TAS2R1: variants seen among roughly 807,000 people sequenced by gnomAD.
TAS2R1 encodes taste 2 receptor member 1.
For missense variants in TAS2R1, 370 were observed against 353.4 expected (o/e 1.05, Z -0.38); for synonymous variants, 141 against 134.2 (o/e 1.05, Z -0.35).
the TAS2R1 span, among the ~76,000 whole-genome samples, chr5:9,896,081 AC>A: frequency 6.6e-6 from 1 of 152,172 alleles, no homozygotes; most frequent in Non-Finnish European, 1.5e-5. Context: ...TTTTAGAGTT[AC>A]CCCAACCCTT....
the TAS2R1 span, among the ~76,000 whole-genome samples, chr5:9,900,562 A>G: frequency 1.0e-4 from 15 of 149,414 alleles, no homozygotes; most frequent in Non-Finnish European, 1.9e-4. Flanking sequence ...CCAGAGTTAT[A>G]TGTTTCATTA....
chr5:9,886,744 G>A, the TAS2R1 span, among the ~76,000 whole-genome samples: 1 of 152,056 alleles, frequency 6.6e-6, no homozygotes, highest in Non-Finnish European at 1.5e-5. Context: ...TGGGAGGAGA[G>A]TGAGGATCAA....
rs775878247 is a variant in TAS2R1, at chr5:9,629,160, G to A, written c.873C>T (p.Phe291=). The change falls in exon 1 of 1, where the codon TTC becomes TTT. Residue 291 remains phenylalanine, a synonymous_variant. Coordinates refer to ENST00000382492, the MANE Select transcript of TAS2R1 (RefSeq NM_019599.3). ...NPKLKQNAKK[F]LLHSKCCQ ...ACTGACAGCACTTACTGTGGAGGAG[G>A]AACTTTTTTGCATTTTGTTTCAATT... 10 of 1,578,778 alleles carry A rather than the reference G, an allele frequency of 6.3e-6. No homozygotes were observed. In the East Asian group the frequency reaches 1.1e-4, roughly 18 times the overall value.
the TAS2R1 span, among the ~76,000 whole-genome samples, chr5:9,794,807 A>G: frequency 6.6e-6 from 1 of 152,316 alleles, no homozygotes; most frequent in Non-Finnish European, 1.5e-5. Context: ...AATTATCCCA[A>G]TATTGCAGCT....
At chr5:9,740,186 T>G in the TAS2R1 span, among the ~76,000 whole-genome samples, 17 of 152,206 alleles carry the variant, frequency 1.1e-4, 1 homozygote, top group Admixed American at 5.2e-4. Context: ...TAATTGAAAT[T>G]ATGGATTTGT....
At chr5:9,735,413 A>G in the TAS2R1 span, among the ~76,000 whole-genome samples, 1 of 151,614 alleles carries the variant, frequency 6.6e-6, no homozygotes, top group Non-Finnish European at 1.5e-5. Context: ...CTGACAAGAT[A>G]AAATAAGATT....
intron 1 of TAS2R1, among the ~76,000 whole-genome samples, chr5:9,687,611 G>A (rs901903798): frequency 1.3e-5 from 2 of 152,096 alleles, no homozygotes; most frequent in African/African-American, 4.8e-5. Flanking sequence ...AATGTCCTCC[G>A]GTTGGTCCCT....
chr5:9,826,669 G>C, the TAS2R1 span, among the ~76,000 whole-genome samples: 1 of 152,102 alleles, frequency 6.6e-6, no homozygotes, highest in African/African-American at 2.4e-5. Context: ...TAAAAAAAGA[G>C]GTTTGCTTTT....
At chr5:9,694,579 A>G (rs1345527795) in intron 1 of TAS2R1, among the ~76,000 whole-genome samples, 1 of 152,204 alleles carries the variant, frequency 6.6e-6, no homozygotes, top group African/African-American at 2.4e-5. Flanking sequence ...GAAAAATGTC[A>G]AAGGACCATT....
At chr5:9,842,704 C>T in the TAS2R1 span, among the ~76,000 whole-genome samples, 1 of 152,072 alleles carries the variant, frequency 6.6e-6, no homozygotes, top group Non-Finnish European at 1.5e-5. Context: ...AAGTTTCTAT[C>T]TCTGGCTTAT....
chr5:9,873,370 A>G, the TAS2R1 span, among the ~76,000 whole-genome samples: 2 of 150,104 alleles, frequency 1.3e-5, no homozygotes, highest in African/African-American at 4.9e-5. Context: ...GGGGTGCCCC[A>G]TATGAGGAGA....
At chr5:9,723,317 T>C in the TAS2R1 span, among the ~76,000 whole-genome samples, 1 of 152,190 alleles carries the variant, frequency 6.6e-6, no homozygotes, top group Non-Finnish European at 1.5e-5. Context: ...GGGCTTCTAG[T>C]CTTTTCCCGA....
chr5:9,634,877 C>G (rs1448316395), upstream of TAS2R1, among the ~76,000 whole-genome samples: 2 of 152,022 alleles, frequency 1.3e-5, no homozygotes, highest in Admixed American at 6.6e-5. Context: ...GGCATACAAT[C>G]ATATTACTGG....
At chr5:9,830,167 A>T in the TAS2R1 span, among the ~76,000 whole-genome samples, 6 of 144,114 alleles carry the variant, frequency 4.2e-5, no homozygotes, top group Non-Finnish European at 7.5e-5. Context: ...AACAGGAGCA[A>T]GAGAACAGAT....
chr5:9,899,663 G>A, the TAS2R1 span, among the ~76,000 whole-genome samples: 53 of 151,000 alleles, frequency 3.5e-4, no homozygotes, highest in South Asian at 8.4e-4. Context: ...AGCTAAAGGT[G>A]AAAATTTCAA....
At chr5:9,863,107 T>C in the TAS2R1 span, 1 of 152,168 alleles carries the variant, frequency 6.6e-6, no homozygotes, top group Non-Finnish European at 1.5e-5. Flanking sequence ...CAATGAACCA[T>C]TTTCCCTGAA....
chr5:9,843,149 C>G, the TAS2R1 span, among the ~76,000 whole-genome samples: 1 of 152,136 alleles, frequency 6.6e-6, no homozygotes, highest in African/African-American at 2.4e-5. Context: ...GAAGAAGTAG[C>G]TCACAGAATG....
chr5:9,862,428 G>C, the TAS2R1 span, among the ~76,000 whole-genome samples: 1 of 152,054 alleles, frequency 6.6e-6, no homozygotes, highest in Non-Finnish European at 1.5e-5. Context: ...GTGGAGGAAG[G>C]GAAGCAACTC....
intron 1 of TAS2R1, among the ~76,000 whole-genome samples, chr5:9,698,427 A>G (rs1351369427): frequency 6.6e-6 from 1 of 152,218 alleles, no homozygotes; most frequent in Non-Finnish European, 1.5e-5. Flanking sequence ...TGTTGTCAAC[A>G]TGATGTCAAA....
Sources: allele counts gnomAD v4.1 joint callset (sites outside exome capture counted in the v4.1 genomes callset), GRCh38; gene constraint gnomAD v4.1.1; transcripts MANE v1.5; gene names NCBI Gene and HGNC (gene_info 2026-07-23, HGNC 2026-07-21).